The following MEG3 variants were observed in gnomAD, a reference collection of about 807,000 sequenced individuals.
The protein encoded by MEG3 is Very putative protein from MEG3 locus.
upstream of MEG3, chr14:100,852,849 C>G (rs769813412): frequency 5.7e-6 from 1 of 174,090 alleles, no homozygotes; most frequent in Admixed American, 5.4e-5. Context: ...CACAGTGGGT[C>G]GAACTGAGCC....
chr14:100,840,237 A>C (rs957832057), intron 2 of MEG3, among the ~76,000 whole-genome samples: 21 of 152,270 alleles, frequency 1.4e-4, no homozygotes, highest in African/African-American at 5.1e-4. Flanking sequence ...TAAGTCCCCT[A>C]TCCTGGGAGA....
intron 2 of MEG3, among the ~76,000 whole-genome samples, chr14:100,840,659 C>T (rs1169001372): frequency 2.0e-5 from 3 of 152,166 alleles, no homozygotes; most frequent in African/African-American, 4.8e-5. Flanking sequence ...TGGGTTCGCG[C>T]GACCCTGGGA....
At position 100,845,962 on chromosome 14, in the gene MEG3, A is replaced by G. The variant is rs2037906474; in HGVS notation, n.3121+429A>G. ...CGCAGGCCGAGGGACCAGCCTTCCA[A>G]ATGGGCTTCAAGCTCCAATGACCTC... On this transcript the variant is annotated intron_variant and non_coding_transcript_variant, in intron 3 of 3. Transcript: ENST00000398461. The surrounding 1 kb of genome is among the most constrained non-coding windows in gnomAD (Gnocchi z 5.2). The G allele has an allele frequency of 6.5e-6, 1 of 153,792 alleles. No individual in the cohort carries two copies. Among genetic ancestry groups the G allele is most frequent in the Non-Finnish European group, 1.4e-5 (1 of 69,020 alleles). 9.5% of individuals were successfully genotyped at this position (153,792 alleles called of 1,614,324 possible). A position where few individuals can be genotyped will look rare whatever the true frequency, so the allele number is the denominator to read the frequency against.
intron 2 of MEG3, among the ~76,000 whole-genome samples, chr14:100,839,983 T>G (rs1344877873): frequency 6.6e-6 from 1 of 152,184 alleles, no homozygotes; most frequent in Non-Finnish European, 1.5e-5. Flanking sequence ...TGATGAGGAC[T>G]TGGGACATAT....
At chr14:100,836,093 GTCTT>G (rs750310072) in intron 1 of MEG3, 3 of 400,294 alleles carry the variant, frequency 7.5e-6, no homozygotes, top group East Asian at 7.4e-5. Context: ...CGTGCCCCGA[GTCTT>G]TCTTCGGTGT....
chr14:100,843,807 C>CTGGA lies in MEG3; in HGVS notation n.3046-1650_3046-1647dup, dbSNP rs199885474. Among the ~76,000 whole-genome samples the CTGGA allele has an allele frequency of 4.3e-3, 614 of 144,452 alleles. 20 individuals are homozygous for CTGGA. The highest frequency in any genetic ancestry group is 0.032 in the Admixed American group (461 of 14,434). The allele number at this position is 144,452 out of a possible 152,430, so 94.8% of individuals were successfully genotyped here. ...TGAAGACCTGCAGTGGGGCAGGCAG[C>CTGGA]TGGAGTCAGGTGTCTCCCGGGACCT... On this transcript the variant is annotated intron_variant and non_coding_transcript_variant, in intron 2 of 3. Coordinates refer to the MEG3 transcript ENST00000398461.
upstream of MEG3, chr14:100,856,623 A>G (rs941728870): frequency 3.3e-5 from 5 of 152,374 alleles, no homozygotes; most frequent in Admixed American, 3.3e-4. Flanking sequence ...TGAGTGGGAG[A>G]GCATTTATCT....
intron 2 of MEG3, among the ~76,000 whole-genome samples, chr14:100,843,066 G>A (rs543111390): frequency 4.9e-4 from 75 of 152,270 alleles, no homozygotes; most frequent in African/African-American, 1.6e-3. Flanking sequence ...TTTAAACCAA[G>A]GCACGAATTT....
chr14:100,855,042 A>G (rs2038196794), upstream of MEG3: 1 of 152,654 alleles, frequency 6.6e-6, no homozygotes, highest in African/African-American at 2.4e-5. Context: ...TCACCCAAGG[A>G]GGGCTCGCCC....
chr14:100,845,288 T>A lies in MEG3; in HGVS notation n.3046-170T>A, dbSNP rs538948706. On this transcript the variant is annotated intron_variant and non_coding_transcript_variant, in intron 2 of 3. Transcript: ENST00000398461. The surrounding 1 kb of genome is among the most constrained non-coding windows in gnomAD (Gnocchi z 5.2). Reference sequence around the variant, plus strand: ...ATAGGCAGCTGGTGGGTGAGTGGAGTCAGGAGAGAAATGCGTGGCTTCTCC... The same window carrying A: ...ATAGGCAGCTGGTGGGTGAGTGGAGACAGGAGAGAAATGCGTGGCTTCTCC... Among the ~76,000 whole-genome samples, 99 of 152,078 alleles carry A rather than the reference T, an allele frequency of 6.5e-4. No homozygotes were observed. Among genetic ancestry groups the A allele is most frequent in the African/African-American group, 2.3e-3 (96 of 41,470 alleles).
chr14:100,840,668 G>A (rs1016599619), intron 2 of MEG3, among the ~76,000 whole-genome samples: 1 of 152,212 alleles, frequency 6.6e-6, no homozygotes, highest in African/African-American at 2.4e-5. Flanking sequence ...GCGACCCTGG[G>A]ATGCTCACGC....
downstream of MEG3, chr14:100,830,144 A>G (rs2037356307): frequency 6.6e-6 from 1 of 151,976 alleles, no homozygotes; most frequent in African/African-American, 2.4e-5. Context: ...TTATACTAAG[A>G]GTCCTTTTAT....
intron 2 of MEG3, among the ~76,000 whole-genome samples, chr14:100,836,875 G>A (rs10150261): frequency 0.024 from 3,628 of 152,312 alleles, 143 homozygotes; most frequent in African/African-American, 0.077. Flanking sequence ...CCTCACCCCT[G>A]AAATTGCAAT....
chr14:100,834,413 C>G, exon 1 of MEG3: 1 of 276,642 alleles, frequency 3.6e-6, no homozygotes, highest in Non-Finnish European at 7.1e-6. Flanking sequence ...GCCCAAGGCT[C>G]CTGGAGCCCT....
At chr14:100,836,093 G>C (rs2037566643) in intron 1 of MEG3, 3 of 400,294 alleles carry the variant, frequency 7.5e-6, no homozygotes, top group African/African-American at 4.2e-5. Flanking sequence ...CGTGCCCCGA[G>C]TCTTTCTTCG....
chr14:100,845,144 C>T lies in MEG3; in HGVS notation n.3046-314C>T, dbSNP rs1055033378. 5.3e-5 allele frequency among the ~76,000 whole-genome samples: 8 copies of T among 152,322 alleles called. No individual in the cohort carries two copies. The highest frequency in any genetic ancestry group is 7.4e-5 in the Non-Finnish European group (5 of 68,026). ...TGCCCTGTCTTCAGGGCCTGGGCCA[C>T]CCCCGTTTCTCATCTATGCAGGGTC... On this transcript the variant is annotated intron_variant and non_coding_transcript_variant, in intron 2 of 3. Transcript: ENST00000398461. This position sits in a 1 kb window ranked among gnomAD's most constrained non-coding sequence, Gnocchi z 5.2.
exon 1 of MEG3, chr14:100,857,892 C>A (rs531716594): frequency 6.6e-6 from 1 of 152,262 alleles, no homozygotes; most frequent in South Asian, 2.1e-4. Context: ...GGGGTACCAA[C>A]CCTGCTTCCA....
At chr14:100,836,800 GA>G (rs139757548) in intron 2 of MEG3, among the ~76,000 whole-genome samples, 4,850 of 152,130 alleles carry the variant, frequency 0.032, 130 homozygotes, top group East Asian at 0.087. Flanking sequence ...TCTCACACAT[GA>G]GGCTTTGATA....
chr14:100,852,280 T>A (rs1431494623), upstream of MEG3: 19 of 520,552 alleles, frequency 3.6e-5, no homozygotes. Context: ...ATAGACAGGA[T>A]ATGAAGGAGG....
Sources: gnomAD v4.1 joint callset for allele counts (sites outside exome capture counted in the v4.1 genomes callset) on GRCh38, gnomAD v4.1.1 for gene constraint, Gnocchi (gnomAD v3.1) non-coding constraint, MANE v1.5 for transcripts, NCBI Gene and HGNC (gene_info 2026-07-23, HGNC 2026-07-21) for gene names.